RBFOX1: variants seen among roughly 807,000 people sequenced by gnomAD.
The protein encoded by RBFOX1 is RNA binding protein fox-1 homolog 1.
A neutral mutation model predicts 57.7 loss-of-function variants in RBFOX1; 8 were observed. The observed-to-expected ratio is 0.14, with a 90% CI of 0.08 to 0.25. The LOEUF (loss-of-function observed/expected upper bound fraction) is 0.25. Among genes scored for constraint, RBFOX1 ranks in the 10% least tolerant of loss-of-function variants. The probability of loss-of-function intolerance (pLI) is 1.00; values close to 1 mark genes in which losing one functional copy is unlikely to be tolerated. For missense variants in RBFOX1, 611 were observed against 548.5 expected, an observed-to-expected ratio of 1.11 and a Z score of -1.14; for synonymous variants, 326 against 222.4, an observed-to-expected ratio of 1.47 and a Z score of -4.15.
intron 2 of RBFOX1, among the ~76,000 whole-genome samples, chr16:6,457,413 T>A (rs1219158692): frequency 7.0e-6 from 1 of 143,788 alleles, no homozygotes; most frequent in Non-Finnish European, 1.5e-5. Flanking sequence ...TGTGTTATTT[T>A]CTGGTGACTG....
chr16:5,539,933 G>C (rs1045995432), intron 2 of RBFOX1, among the ~76,000 whole-genome samples: 1 of 152,138 alleles, frequency 6.6e-6, no homozygotes, highest in East Asian at 1.9e-4. Context: ...GTTTCAAGGA[G>C]GGTTTTGGCT....
intron 3 of RBFOX1, among the ~76,000 whole-genome samples, chr16:5,614,439 T>C (rs890390432): frequency 6.6e-6 from 1 of 152,002 alleles, no homozygotes; most frequent in African/African-American, 2.4e-5. Flanking sequence ...TGGCACAGAG[T>C]CGTTCCAATG....
intron 1 of RBFOX1, among the ~76,000 whole-genome samples, chr16:5,249,487 A>G (rs1310010493): frequency 6.6e-6 from 1 of 152,092 alleles, no homozygotes; most frequent in Admixed American, 6.5e-5. Context: ...TGATCCATTC[A>G]TGTTTTTCTT....
At chr16:5,518,293 TG>T (rs2043870698) in intron 2 of RBFOX1, among the ~76,000 whole-genome samples, 1 of 152,186 alleles carries the variant, frequency 6.6e-6, no homozygotes, top group Admixed American at 6.5e-5. Context: ...TAGATGAGCA[TG>T]GACAACTGTT....
chr16:7,028,609 C>CAAAAAAA (rs869138217), intron 3 of RBFOX1, among the ~76,000 whole-genome samples: 3 of 45,428 alleles, frequency 6.6e-5, no homozygotes, highest in African/African-American at 1.7e-4. Flanking sequence ...CACACACACA[C>CAAAAAAA]AAAAAAAAAA....
chr16:5,474,649 CGTCT>C (rs1275881488), intron 2 of RBFOX1, among the ~76,000 whole-genome samples: 1 of 149,070 alleles, frequency 6.7e-6, no homozygotes, highest in Non-Finnish European at 1.5e-5. Context: ...AGCGAGACTT[CGTCT>C]CAAAAAAAAA....
At chr16:6,843,697 T>C (rs573421608) in intron 3 of RBFOX1, among the ~76,000 whole-genome samples, 1 of 152,060 alleles carries the variant, frequency 6.6e-6, no homozygotes. Flanking sequence ...TCAAAATAAA[T>C]AAGTAAAATT....
intron 3 of RBFOX1, among the ~76,000 whole-genome samples, chr16:6,825,993 C>T (rs62017678): frequency 1.3e-5 from 2 of 151,960 alleles, no homozygotes; most frequent in African/African-American, 4.8e-5. Context: ...AATGTTGAAC[C>T]TTCTTTACAT....
At chr16:5,292,576 A>T (rs1268840692) in intron 1 of RBFOX1, among the ~76,000 whole-genome samples, 1 of 152,108 alleles carries the variant, frequency 6.6e-6, no homozygotes, top group African/African-American at 2.4e-5. Context: ...ACTCCCCCTG[A>T]TTGGTGGAGG....
At chr16:7,152,843 G>A (rs2076357298) in intron 4 of RBFOX1, among the ~76,000 whole-genome samples, 4 of 152,128 alleles carry the variant, frequency 2.6e-5, no homozygotes, top group Admixed American at 1.3e-4. Flanking sequence ...GGGTGGCACC[G>A]AGTCTTGCAT....
rs112882260 is a variant in RBFOX1 at position 7,579,566 on chromosome 16, C to T, written c.271-211C>T. ...GGCAGGGATTTTTGTCTGCTTTTCC[C>T]ACTGCCTAATCCCAGATTCATAATG... On this transcript the variant is annotated intron_variant, in intron 5 of 15. Coordinates refer to ENST00000550418, the MANE Select transcript of RBFOX1 (RefSeq NM_018723.4). Among the ~76,000 whole-genome samples, 1,036 of 152,280 alleles carry T rather than the reference C, an allele frequency of 6.8e-3. 14 individuals carry two copies. Among genetic ancestry groups the T allele is most frequent in the African/African-American group, 0.024 (992 of 41,542 alleles).
intron 3 of RBFOX1, among the ~76,000 whole-genome samples, chr16:5,646,182 A>ATT (rs55685218): frequency 0.54 from 71,716 of 133,560 alleles, 21,943 homozygotes; most frequent in South Asian, 0.78. Context: ...GGCACGTGCT[A>ATT]TTTTTTTTTT....
chr16:6,961,968 G>C (rs1046981959), intron 3 of RBFOX1, among the ~76,000 whole-genome samples: 2 of 92,500 alleles, frequency 2.2e-5, no homozygotes, highest in African/African-American at 7.5e-5. Flanking sequence ...CTGTGACTAA[G>C]AATGTCTAAC....
At chr16:7,186,991 C>CCACACA (rs1174221075) in intron 4 of RBFOX1, among the ~76,000 whole-genome samples, 1 of 100,048 alleles carries the variant, frequency 1.0e-5, no homozygotes, top group African/African-American at 5.4e-5. Context: ...AACCCCACCT[C>CCACACA]CACAAAAAAA....
chr16:5,905,873 T>C (rs1203770954), intron 4 of RBFOX1, among the ~76,000 whole-genome samples: 3 of 152,206 alleles, frequency 2.0e-5, no homozygotes, highest in Admixed American at 6.5e-5. Flanking sequence ...GAAGCCTTCC[T>C]AATTTCCCTC....
chr16:6,224,787 G>C (rs2097403404), intron 1 of RBFOX1, among the ~76,000 whole-genome samples: 1 of 152,128 alleles, frequency 6.6e-6, no homozygotes, highest in Admixed American at 6.6e-5. Context: ...TTAGGAAGCT[G>C]AGGTGGGTGG....
At chr16:6,450,010 T>C (rs531422125) in intron 2 of RBFOX1, among the ~76,000 whole-genome samples, 66 of 152,292 alleles carry the variant, frequency 4.3e-4, no homozygotes, top group African/African-American at 1.5e-3. Context: ...ATTGCTTTTA[T>C]TGGATTGCAA....
rs186977164 is a variant in RBFOX1 at position 6,980,409 on chromosome 16, G to T, written c.-15-71648G>T. On this transcript the variant is annotated intron_variant, in intron 3 of 15. Transcript: ENST00000550418. ...CTTTTTCCTTCATGAGAGTTTACTT[G>T]CCATTTTCAAACACAGAAAGATATG... Among the ~76,000 whole-genome samples, 4 of 152,084 alleles carry T rather than the reference G, an allele frequency of 2.6e-5. No homozygotes were observed. The South Asian group carries it at 6.3e-4, about 24-fold the overall frequency.
At chr16:6,356,010 G>A (rs932230861) in intron 2 of RBFOX1, among the ~76,000 whole-genome samples, 81 of 152,304 alleles carry the variant, frequency 5.3e-4, no homozygotes, top group African/African-American at 1.8e-3. Context: ...GAAGAAAGTA[G>A]CATTAGATTA....
Sources: gnomAD v4.1 joint callset for allele counts (sites outside exome capture counted in the v4.1 genomes callset) on GRCh38, gnomAD v4.1.1 for gene constraint, MANE v1.5 for transcripts, NCBI Gene and HGNC (gene_info 2026-07-23, HGNC 2026-07-21) for gene names.